The following RPRD1A variants were observed in gnomAD, a reference collection of about 807,000 sequenced individuals.
The protein encoded by RPRD1A is regulation of nuclear pre-mRNA domain-containing protein 1A.
Under a neutral mutation model 37.8 loss-of-function variants are expected in RPRD1A, and 9 were observed. The observed-to-expected ratio is 0.24, with a 90% confidence interval of 0.14 to 0.42. RPRD1A has a LOEUF of 0.42. Ranked by LOEUF, RPRD1A falls within the 10% of genes least tolerant of loss-of-function variation. The probability of loss-of-function intolerance (pLI) is 1.00; values close to 1 mark genes in which losing one functional copy is unlikely to be tolerated. For synonymous variants in RPRD1A, 138 were observed against 139.7 expected, an observed-to-expected ratio of 0.99 and a Z score of 0.08; for missense variants, 255 against 371.0, an observed-to-expected ratio of 0.69 and a Z score of 2.57.
At position 36,015,171 on chromosome 18, in the gene RPRD1A, T is replaced by C. The variant is rs1209320792; in HGVS notation, c.789+11729A>G. Among the ~76,000 whole-genome samples the C allele has an allele frequency of 9.6e-4, 86 of 90,034 alleles. 1 individual carries two copies. The highest frequency in any genetic ancestry group is 3.7e-3 in the African/African-American group (82 of 22,000). 59.1% of individuals were successfully genotyped at this position (90,034 alleles called of 152,430 possible). A position where few individuals can be genotyped will look rare whatever the true frequency, so the allele number is the denominator to read the frequency against. ...ACACACACACACATATATACACATA[T>C]ATACACACACACACACACACACACA... is the stretch of plus-strand genomic sequence containing the variant. On this transcript the variant is annotated intron_variant, in intron 6 of 6. Coordinates refer to ENST00000399022, the MANE Select transcript of RPRD1A (RefSeq NM_018170.5).
chr18:36,066,017 T>TAA (rs2089022860), intron 1 of RPRD1A, among the ~76,000 whole-genome samples: 1 of 152,234 alleles, frequency 6.6e-6, no homozygotes, highest in South Asian at 2.1e-4. Flanking sequence ...TAGTAAAATG[T>TAA]AAAAGCAAAG....
At chr18:36,008,569 T>TTGTGTG (rs138413588) in intron 6 of RPRD1A, among the ~76,000 whole-genome samples, 27,917 of 55,080 alleles carry the variant, frequency 0.51, 7,927 homozygotes, top group South Asian at 0.65. Context: ...CAGCAAGACC[T>TTGTGTG]TGTGTGTGTA....
intron 1 of RPRD1A, among the ~76,000 whole-genome samples, chr18:36,038,568 G>A (rs1912362231): frequency 6.6e-6 from 1 of 152,256 alleles, no homozygotes; most frequent in Non-Finnish European, 1.5e-5. Flanking sequence ...AGTGCGTAGG[G>A]GAAATGTGGG....
chr18:36,030,097 C>T (rs1911666996), intron 4 of RPRD1A, among the ~76,000 whole-genome samples: 3 of 150,928 alleles, frequency 2.0e-5, no homozygotes, highest in South Asian at 2.1e-4. Flanking sequence ...TGAGCCACTG[C>T]GCCCGGCCAC....
chr18:36,019,403 G>A (rs1370805857), intron 6 of RPRD1A, among the ~76,000 whole-genome samples: 1 of 152,032 alleles, frequency 6.6e-6, no homozygotes, highest in Non-Finnish European at 1.5e-5. Flanking sequence ...CACCGCGCCT[G>A]GCCCATTGAT....
In RPRD1A at chr18:36,030,815, G is replaced by C. The variant is rs1911723110; in HGVS notation, c.479C>G (p.Pro160Arg). 12 of 1,602,414 alleles carry C rather than the reference G, an allele frequency of 7.5e-6. No homozygotes were observed. The highest frequency in any genetic ancestry group is 1.0e-5 in the Non-Finnish European group (12 of 1,171,250). ...ACAGGGTAAAATTTCTACCTGTGGT[G>C]GTTCACTTGGAGATCCCAGAGAGGA... is the stretch of plus-strand genomic sequence containing the variant. ...NCSSLGSPSEPPQTLDLVRAL... is the reference protein window; with the variant it reads ...NCSSLGSPSERPQTLDLVRAL... Residue 160 changes from proline (P) to arginine (R), a missense_variant, in exon 4 of 7, where the codon CCA (proline) becomes CGA (arginine). Physicochemically the swap from Pro to Arg is moderately radical, Grantham distance 103. Around this residue, in one of 2 missense-constraint regions of RPRD1A, gnomAD observed 211 missense variants for 268.9 expected, o/e 0.78. Coordinates refer to ENST00000399022, the MANE Select transcript of RPRD1A (RefSeq NM_018170.5).
chr18:36,001,511 C>T (rs377032152), intron 6 of RPRD1A, among the ~76,000 whole-genome samples: 5 of 152,134 alleles, frequency 3.3e-5, no homozygotes, highest in Admixed American at 6.6e-5. Flanking sequence ...TCATAAATGT[C>T]ATCTAATCTG....
intron 1 of RPRD1A, among the ~76,000 whole-genome samples, chr18:36,037,416 G>C (rs1912272163): frequency 6.6e-6 from 1 of 152,176 alleles, no homozygotes; most frequent in African/African-American, 2.4e-5. Flanking sequence ...GGACGTGTTT[G>C]CTTCCTCTTC....
intron 6 of RPRD1A, among the ~76,000 whole-genome samples, chr18:35,995,654 C>G (rs958327995): frequency 6.6e-6 from 1 of 152,178 alleles, no homozygotes; most frequent in South Asian, 2.1e-4. Flanking sequence ...CATTTCATAT[C>G]TGAAAAGTTT....
rs141891021 is a variant in RPRD1A at position 35,995,876 on chromosome 18, C to G, written c.790-2576G>C. On this transcript the variant is annotated intron_variant, in intron 6 of 6. Coordinates refer to ENST00000399022, the MANE Select transcript of RPRD1A (RefSeq NM_018170.5). ...CATTCTCCCTCTATGGTCTTCCTCCCTGAAACATATGACTCCACTTTAGCT... is the reference window on the plus strand; with the variant it reads ...CATTCTCCCTCTATGGTCTTCCTCCGTGAAACATATGACTCCACTTTAGCT... Among the ~76,000 whole-genome samples, 1,180 of 152,310 alleles carry G rather than the reference C, an allele frequency of 7.7e-3. 14 individuals carry two copies. Among genetic ancestry groups the G allele is most frequent in the Middle Eastern group, 0.014 (4 of 294 alleles).
At chr18:36,023,033 T>A (rs1369779964) in intron 6 of RPRD1A, among the ~76,000 whole-genome samples, 1 of 152,204 alleles carries the variant, frequency 6.6e-6, no homozygotes, top group East Asian at 1.9e-4. Flanking sequence ...AGATGTACAA[T>A]GTGACTAGTG....
intron 6 of RPRD1A, among the ~76,000 whole-genome samples, chr18:36,003,542 A>T (rs1260274684): frequency 6.6e-6 from 1 of 152,240 alleles, no homozygotes; most frequent in Non-Finnish European, 1.5e-5. Flanking sequence ...CCTGTCAAGT[A>T]TATTACTCGA....
At chr18:36,058,322 C>T (rs1598669719) in intron 1 of RPRD1A, among the ~76,000 whole-genome samples, 1 of 152,168 alleles carries the variant, frequency 6.6e-6, no homozygotes, top group Non-Finnish European at 1.5e-5. Context: ...GCTGGGATTA[C>T]AGGCATGAGC....
chr18:36,016,895 T>A (rs747019369), intron 6 of RPRD1A, among the ~76,000 whole-genome samples: 1 of 152,160 alleles, frequency 6.6e-6, no homozygotes, highest in Non-Finnish European at 1.5e-5. Flanking sequence ...ACAGTCTGAT[T>A]CTATCCTTCT....
chr18:36,016,108 C>T (rs948071943), intron 6 of RPRD1A, among the ~76,000 whole-genome samples: 1 of 152,166 alleles, frequency 6.6e-6, no homozygotes, highest in Non-Finnish European at 1.5e-5. Context: ...AAAATAAATG[C>T]TTCTGATACT....
chr18:36,014,050 T>C (rs980670653), intron 6 of RPRD1A, among the ~76,000 whole-genome samples: 2 of 152,164 alleles, frequency 1.3e-5, no homozygotes, highest in Non-Finnish European at 2.9e-5. Context: ...AGTGTGAGTA[T>C]ATAAATATAC....
chr18:35,994,376 C>G (rs1447005536), intron 6 of RPRD1A, among the ~76,000 whole-genome samples: 1 of 152,074 alleles, frequency 6.6e-6, no homozygotes, highest in East Asian at 1.9e-4. Flanking sequence ...GGGCCTGAAC[C>G]GAACCAAACC....
At position 36,001,680 on chromosome 18, in the gene RPRD1A, A is replaced by G. The variant is rs78345990; in HGVS notation, c.790-8380T>C. On this transcript the variant is annotated intron_variant, in intron 6 of 6. Coordinates refer to ENST00000399022, the MANE Select transcript of RPRD1A (RefSeq NM_018170.5). ...CATATCTGAGCAGAGTGAAGTTCCA[A>G]AAGTACAATCTGGTTTGCGACATTC... is the stretch of plus-strand genomic sequence containing the variant. Among the ~76,000 whole-genome samples, 512 of 152,268 alleles carry G rather than the reference A, an allele frequency of 3.4e-3. 2 individuals carry two copies. The highest frequency in any genetic ancestry group is 0.012 in the African/African-American group (497 of 41,554).
At chr18:36,032,467 A>G (rs192591518) in intron 2 of RPRD1A, among the ~76,000 whole-genome samples, 131 of 152,354 alleles carry the variant, frequency 8.6e-4, no homozygotes, top group African/African-American at 3.0e-3. Flanking sequence ...AGTGCCACGA[A>G]GGAACACCTT....
Sources: allele counts gnomAD v4.1 joint callset (sites outside exome capture counted in the v4.1 genomes callset), GRCh38; gene constraint gnomAD v4.1.1; regional missense constraint gnomAD v4.1.1; transcripts MANE v1.5; gene names NCBI Gene and HGNC (gene_info 2026-07-23, HGNC 2026-07-21).